GPR137C: variants seen among roughly 807,000 people sequenced by gnomAD.
GPR137C encodes the protein G protein-coupled receptor 137C, also known as integral membrane protein GPR137C.
Under a neutral mutation model 43.4 loss-of-function variants are expected in GPR137C, and 27 were observed. The observed-to-expected ratio is 0.62, with a 90% CI of 0.46 to 0.86. The LOEUF (loss-of-function observed/expected upper bound fraction) is 0.86, where lower values mean the gene tolerates loss of function less well. Ranked by LOEUF, GPR137C falls within the 40% of genes least tolerant of loss-of-function variation. The pLI, the probability that GPR137C is intolerant of heterozygous loss-of-function variation, is 0.00. For missense variants in GPR137C, 522 were observed against 534.6 expected (o/e 0.98, Z 0.23); for synonymous variants, 285 against 226.9 (o/e 1.26, Z -2.30).
intron 3 of GPR137C, among the ~76,000 whole-genome samples, chr14:52,626,781 C>T (rs2039232546): frequency 6.6e-6 from 1 of 151,800 alleles, no homozygotes; most frequent in South Asian, 2.1e-4. Context: ...CAGAATAGGT[C>T]AAAATACAAA....
intron 1 of GPR137C, among the ~76,000 whole-genome samples, chr14:52,569,485 C>A (rs565200551): frequency 6.6e-6 from 1 of 151,868 alleles, no homozygotes; most frequent in Non-Finnish European, 1.5e-5. Context: ...TGGATAATAA[C>A]GAACTCCTCC....
At chr14:52,580,842 A>G (rs953497570) in intron 1 of GPR137C, among the ~76,000 whole-genome samples, 1 of 147,506 alleles carries the variant, frequency 6.8e-6, no homozygotes, top group Admixed American at 6.8e-5. Flanking sequence ...TTATATGTAT[A>G]TATTAAATAT....
At chr14:52,628,282 T>C (rs2039253405) in intron 3 of GPR137C, among the ~76,000 whole-genome samples, 1 of 152,202 alleles carries the variant, frequency 6.6e-6, no homozygotes, top group African/African-American at 2.4e-5. Flanking sequence ...CTAGTGGTGC[T>C]GAAGCAACTC....
chr14:52,592,790 G>A (rs562119734), intron 1 of GPR137C, among the ~76,000 whole-genome samples: 1 of 152,276 alleles, frequency 6.6e-6, no homozygotes, highest in Admixed American at 6.5e-5. Context: ...GGGACAATTT[G>A]ACTTCCTCTT....
At chr14:52,629,243 A>G (rs891438420) in intron 3 of GPR137C, among the ~76,000 whole-genome samples, 10 of 152,302 alleles carry the variant, frequency 6.6e-5, no homozygotes, top group Admixed American at 4.6e-4. Context: ...AACGACCACC[A>G]TATGACCCAG....
intron 1 of GPR137C, among the ~76,000 whole-genome samples, chr14:52,571,992 T>C (rs113796125): frequency 0.056 from 8,465 of 152,148 alleles, 267 homozygotes; most frequent in Middle Eastern, 0.075. Context: ...AACTAGAATA[T>C]CCAGAAGAAA....
chr14:52,629,462 A>C (rs559446073), intron 3 of GPR137C, among the ~76,000 whole-genome samples: 1 of 152,316 alleles, frequency 6.6e-6, no homozygotes, highest in Admixed American at 6.5e-5. Context: ...GAAAACCCCT[A>C]AGCAAATCAG....
intron 1 of GPR137C, among the ~76,000 whole-genome samples, chr14:52,574,520 A>G (rs890542711): frequency 6.6e-6 from 1 of 152,194 alleles, no homozygotes; most frequent in Non-Finnish European, 1.5e-5. Flanking sequence ...CAATGAGAAC[A>G]CATGGATACA....
chr14:52,568,621 C>A (rs923361379), intron 1 of GPR137C, among the ~76,000 whole-genome samples: 1 of 152,118 alleles, frequency 6.6e-6, no homozygotes, highest in Non-Finnish European at 1.5e-5. Context: ...AGGGGGCATC[C>A]GCAATTACTG....
intron 3 of GPR137C, among the ~76,000 whole-genome samples, chr14:52,604,188 T>C (rs977450137): frequency 1.3e-5 from 2 of 152,182 alleles, no homozygotes; most frequent in East Asian, 3.9e-4. Context: ...AACTTGTAAA[T>C]ATTTACTCCC....
chr14:52,555,349 C>A (rs753673800), intron 1 of GPR137C, among the ~76,000 whole-genome samples: 3 of 152,002 alleles, frequency 2.0e-5, no homozygotes, highest in Non-Finnish European at 4.4e-5. Context: ...TAAATGCACA[C>A]CTAGATGAAA....
rs1444429967 is a variant in GPR137C at position 52,556,404 on chromosome 14, T to C, written c.444+2813T>C. Among the ~76,000 whole-genome samples, 4 of 151,194 alleles carry C rather than the reference T, an allele frequency of 2.6e-5. No homozygotes were observed. The East Asian group carries it at 7.7e-4, about 29-fold the overall frequency. ...AACCCCTTTTTTCTTTTTTTTTTTTTCTTGGTGTCTACACTTGAATGGAAT... is the reference window on the plus strand; with the variant it reads ...AACCCCTTTTTTCTTTTTTTTTTTTCCTTGGTGTCTACACTTGAATGGAAT... On this transcript the variant is annotated intron_variant, in intron 1 of 6. Transcript: ENST00000321662.
intron 1 of GPR137C, among the ~76,000 whole-genome samples, chr14:52,566,749 C>A (rs2038376190): frequency 6.6e-6 from 1 of 152,130 alleles, no homozygotes; most frequent in Admixed American, 6.5e-5. Context: ...GTTAAAGGCA[C>A]CTACATTTTT....
chr14:52,598,920 A>T (rs1302386846), intron 2 of GPR137C, among the ~76,000 whole-genome samples: 1 of 152,220 alleles, frequency 6.6e-6, no homozygotes, highest in African/African-American at 2.4e-5. Flanking sequence ...TTTAAAACTA[A>T]AATCTTTTTG....
At chr14:52,623,268 C>A (rs2139570776) in intron 3 of GPR137C, among the ~76,000 whole-genome samples, 1 of 152,056 alleles carries the variant, frequency 6.6e-6, no homozygotes, top group South Asian at 2.1e-4. Context: ...ATCCTTAAAT[C>A]AGTGAATTTC....
In GPR137C at chr14:52,636,919, C is replaced by T. The variant is rs937623185; in HGVS notation, c.*1804C>T. On this transcript the variant is annotated 3_prime_UTR_variant, in exon 7 of 7. Coordinates refer to ENST00000321662, the MANE Select transcript of GPR137C (RefSeq NM_001099652.2). ...CTCAGAATGCTAACTGTTTATTTTG[C>T]TAATAATGTTAGGCATCTAATCATC... 5.3e-5 allele frequency: 8 copies of T among 152,076 alleles called. No individual in the cohort carries two copies. Among genetic ancestry groups the T allele is most frequent in the African/African-American group, 9.7e-5 (4 of 41,432 alleles). 9.4% of individuals were successfully genotyped at this position (152,076 alleles called of 1,614,324 possible). A position where few individuals can be genotyped will look rare whatever the true frequency, so the allele number is the denominator to read the frequency against.
At chr14:52,634,491 A>G (rs946651581) in intron 6 of GPR137C, among the ~76,000 whole-genome samples, 2 of 152,090 alleles carry the variant, frequency 1.3e-5, no homozygotes, top group African/African-American at 2.4e-5. Flanking sequence ...CTGTAATCCT[A>G]ACTTCATCTG....
At chr14:52,611,023 G>T (rs1167687474) in intron 3 of GPR137C, among the ~76,000 whole-genome samples, 2 of 151,950 alleles carry the variant, frequency 1.3e-5, no homozygotes, top group African/African-American at 2.4e-5. Flanking sequence ...ATTCTTATTG[G>T]ATTTTGCCAT....
intron 3 of GPR137C, among the ~76,000 whole-genome samples, chr14:52,601,725 A>G (rs1017679043): frequency 2.0e-5 from 3 of 152,070 alleles, no homozygotes; most frequent in Admixed American, 6.6e-5. Flanking sequence ...TTTATTTAGT[A>G]TAATAACATC....
Sources: allele counts gnomAD v4.1 joint callset (sites outside exome capture counted in the v4.1 genomes callset), GRCh38; gene constraint gnomAD v4.1.1; transcripts MANE v1.5; gene names NCBI Gene and HGNC (gene_info 2026-07-23, HGNC 2026-07-21).